Variants in GPR137B observed in about 807,000 individuals in gnomAD.
GPR137B encodes integral membrane protein GPR137B.
GPR137B carries 42 observed loss-of-function variants against 42.5 expected under a neutral mutation model. That is an observed-to-expected ratio of 0.99 (90% CI 0.77 to 1.28). GPR137B has a LOEUF of 1.28. Ranked by LOEUF, GPR137B falls within the 50% of genes most tolerant of loss-of-function variation. The pLI is 0.00. For synonymous variants in GPR137B, 218 were observed against 209.7 expected, an observed-to-expected ratio of 1.04 and a Z score of -0.34; for missense variants, 487 against 493.9, an observed-to-expected ratio of 0.99 and a Z score of 0.13.
intron 5 of GPR137B, among the ~76,000 whole-genome samples, chr1:236,200,252 CTCATT>C (rs1306360925): frequency 6.6e-6 from 1 of 151,976 alleles, no homozygotes; most frequent in African/African-American, 2.4e-5. Context: ...TTGATTTAGA[CTCATT>C]TCATAGCCTA....
chr1:236,206,107 C>T (rs1663652637), intron 6 of GPR137B, among the ~76,000 whole-genome samples: 1 of 152,152 alleles, frequency 6.6e-6, no homozygotes, highest in African/African-American at 2.4e-5. Flanking sequence ...TTTATTTGGT[C>T]TCAATTTTCA....
intron 1 of GPR137B, among the ~76,000 whole-genome samples, chr1:236,165,771 T>A (rs192884846): frequency 2.7e-4 from 41 of 152,346 alleles, no homozygotes; most frequent in Middle Eastern, 6.8e-3. Flanking sequence ...TGAAAGGCTC[T>A]GACAATTCCT....
intron 5 of GPR137B, among the ~76,000 whole-genome samples, chr1:236,188,823 T>C (rs2102917911): frequency 6.6e-6 from 1 of 152,350 alleles, no homozygotes; most frequent in Admixed American, 6.5e-5. Context: ...ATTAGGATGA[T>C]GCTGGCCTCA....
At chr1:236,202,948 C>G (rs1390661590) in intron 5 of GPR137B, among the ~76,000 whole-genome samples, 1 of 152,114 alleles carries the variant, frequency 6.6e-6, no homozygotes, top group Non-Finnish European at 1.5e-5. Context: ...TTTCCCAGCA[C>G]CATTTATTGA....
At position 236,178,593 on chromosome 1, in the gene GPR137B, A is replaced by G; in HGVS notation, c.644A>G (p.Lys215Arg). ...CAVSLSICLY[K>R]ISKMSLANIY... The stretch of plus-strand genomic sequence containing the variant: ...GTCTCTCTCTCCATCTGTCTCTACA[A>G]AATCTCTAAGATGTCCTTAGCCAAC... The change falls in exon 3 of 7, where the codon AAA becomes AGA. Residue 215 changes from lysine to arginine, a missense_variant. By Grantham distance (26) the Lys-to-Arg change is conservative. Coordinates refer to ENST00000366592, the MANE Select transcript of GPR137B (RefSeq NM_003272.4). 6.2e-7 allele frequency: 1 copy of G among 1,612,718 alleles called. No individual in the cohort carries two copies. The highest frequency in any genetic ancestry group is 8.5e-7 in the Non-Finnish European group (1 of 1,179,850).
At chr1:236,189,485 T>C (rs1571999618) in intron 5 of GPR137B, among the ~76,000 whole-genome samples, 3 of 152,214 alleles carry the variant, frequency 2.0e-5, no homozygotes, top group Non-Finnish European at 4.4e-5. Context: ...ACACACTGCT[T>C]TAAATGTGTC....
chr1:236,178,768 C>T (rs368968445), intron 3 of GPR137B, 132 bp downstream of exon 3: 18 of 245,640 alleles, frequency 7.3e-5, no homozygotes, highest in African/African-American at 3.9e-4. Flanking sequence ...TTGTCTCCCA[C>T]ACAGGGGCTA....
At chr1:236,165,366 C>T (rs1662321768) in intron 1 of GPR137B, among the ~76,000 whole-genome samples, 1 of 152,152 alleles carries the variant, frequency 6.6e-6, no homozygotes, top group African/African-American at 2.4e-5. Context: ...ATGACTTTTT[C>T]CCTCCAGGCA....
chr1:236,207,928 T>G, intron 6 of GPR137B, 122 bp from the exon 7 acceptor site: 1 of 680,556 alleles, frequency 1.5e-6, no homozygotes, highest in East Asian at 2.7e-5. Context: ...AAGAGCCATT[T>G]AAAAGAACTT....
intron 1 of GPR137B, among the ~76,000 whole-genome samples, chr1:236,160,528 C>T (rs1239864630): frequency 1.3e-5 from 2 of 152,180 alleles, no homozygotes; most frequent in Non-Finnish European, 2.9e-5. Context: ...TTCTCGGGAC[C>T]CAGGCTCCTT....
intron 5 of GPR137B, among the ~76,000 whole-genome samples, chr1:236,203,943 C>G (rs1213331747): frequency 6.6e-6 from 1 of 152,164 alleles, no homozygotes; most frequent in Non-Finnish European, 1.5e-5. Context: ...ATTGCTCTAG[C>G]TAGGACTTCC....
chr1:236,182,151 A>G (rs1662904233), intron 4 of GPR137B, among the ~76,000 whole-genome samples: 1 of 152,054 alleles, frequency 6.6e-6, no homozygotes, highest in Non-Finnish European at 1.5e-5. Flanking sequence ...TCGGCCTCCC[A>G]AAGTGCTGGG....
intron 1 of GPR137B, among the ~76,000 whole-genome samples, chr1:236,148,465 A>T (rs1283268928): frequency 1.3e-5 from 2 of 152,136 alleles, no homozygotes; most frequent in Non-Finnish European, 2.9e-5. Context: ...CCCTATGACA[A>T]ACTCCTGCCA....
intron 5 of GPR137B, among the ~76,000 whole-genome samples, chr1:236,186,330 TA>T (rs1453972238): frequency 7.8e-5 from 7 of 89,326 alleles, no homozygotes; most frequent in South Asian, 3.0e-4. Context: ...AAATAATATA[TA>T]ATTATATATA....
In GPR137B at chr1:236,163,593, T is replaced by C. The variant is rs567096253; in HGVS notation, c.415-5113T>C. Among the ~76,000 whole-genome samples, 24 of 152,258 alleles carry C rather than the reference T, an allele frequency of 1.6e-4. No homozygotes were observed. In the South Asian group the frequency reaches 5.0e-3, roughly 32 times the overall value. On this transcript the variant is annotated intron_variant, in intron 1 of 6. Transcript: ENST00000366592. ...TTGAATCACGGGGGCCGGTCTTTCT[T>C]GTACTATTCTTGTGATAGTGAATAA...
At chr1:236,164,669 A>C (rs1662295603) in intron 1 of GPR137B, among the ~76,000 whole-genome samples, 1 of 152,218 alleles carries the variant, frequency 6.6e-6, no homozygotes, top group South Asian at 2.1e-4. Flanking sequence ...TATGCCCTTT[A>C]ATTAATGAGG....
At chr1:236,162,306 G>A (rs1230677350) in intron 1 of GPR137B, among the ~76,000 whole-genome samples, 1 of 152,150 alleles carries the variant, frequency 6.6e-6, no homozygotes, top group Non-Finnish European at 1.5e-5. Context: ...GCATTTAGAG[G>A]TGACTTCAGT....
rs186538910 is a variant in GPR137B at position 236,153,554 on chromosome 1, C to T, written c.414+10518C>T. Among the ~76,000 whole-genome samples the T allele has an allele frequency of 5.3e-5, 8 of 152,278 alleles. No individual in the cohort carries two copies. In the East Asian group the frequency reaches 5.8e-4, roughly 11 times the overall value. On this transcript the variant is annotated intron_variant, in intron 1 of 6. Coordinates refer to ENST00000366592, the MANE Select transcript of GPR137B (RefSeq NM_003272.4). ...TGGACATTTAGGTTGTTTCATCATG[C>T]GCGTTTGAGTGCTTGTTGTGTGCCA...
intron 5 of GPR137B, among the ~76,000 whole-genome samples, chr1:236,203,411 T>C (rs1663557745): frequency 6.6e-6 from 1 of 152,192 alleles, no homozygotes; most frequent in Non-Finnish European, 1.5e-5. Context: ...ACCATGCTGT[T>C]TTAGTTACTA....
Sources: gnomAD v4.1 joint callset for allele counts (sites outside exome capture counted in the v4.1 genomes callset) on GRCh38, gnomAD v4.1.1 for gene constraint, MANE v1.5 for transcripts, NCBI Gene and HGNC (gene_info 2026-07-23, HGNC 2026-07-21) for gene names.